Variants in CASR observed in about 807,000 individuals in gnomAD.
CASR encodes extracellular calcium-sensing receptor.
A neutral mutation model predicts 69.1 loss-of-function variants in CASR; 23 were observed. That is an observed-to-expected ratio of 0.33 (90% CI 0.24 to 0.47). CASR has a LOEUF of 0.47. Among genes scored for constraint, CASR ranks in the 20% least tolerant of loss-of-function variants. The pLI is 1.00. For synonymous variants in CASR, 541 were observed against 544.7 expected (o/e 0.99, Z 0.10); for missense variants, 924 against 1,356.1 (o/e 0.68, Z 5.00).
Position 122,262,071 on chromosome 3 carries a change from G to T in CASR, c.1036G>T (p.Gly346Cys). The change falls in exon 4 of 7, where the codon GGT becomes TGT. Residue 346 changes from glycine (G) to cysteine (C), a missense_variant. Transcript: ENST00000639785. The stretch of plus-strand genomic sequence containing the variant: ...CCATCCCAGGAAGTCTGTCCACAAT[G>T]GTTTTGCCAAGGAGTTTTGGGAAGA... ...KVHPRKSVHNGFAKEFWEETF... is the reference protein window; with the variant it reads ...KVHPRKSVHNCFAKEFWEETF... 6.2e-7 allele frequency: 1 copy of T among 1,614,154 alleles called. No homozygotes were observed. Among genetic ancestry groups the T allele is most frequent in the Non-Finnish European group, 8.5e-7 (1 of 1,180,016 alleles).
intron 1 of CASR, among the ~76,000 whole-genome samples, chr3:122,252,409 A>AGGT (rs1553765626): frequency 7.7e-4 from 5 of 6,472 alleles, no homozygotes; most frequent in South Asian, 3.7e-3. Flanking sequence ...GAAGGAAGGA[A>AGGT]AAAGAAAGAA....
chr3:122,210,588 A>C (rs988461640), intron 1 of CASR, among the ~76,000 whole-genome samples: 16 of 152,188 alleles, frequency 1.1e-4, no homozygotes, highest in African/African-American at 3.9e-4. Flanking sequence ...GAAATCAGAG[A>C]GGACAAAAAC....
At chr3:122,279,493 T>C (rs1240228929) in intron 5 of CASR, among the ~76,000 whole-genome samples, 1 of 152,146 alleles carries the variant, frequency 6.6e-6, no homozygotes, top group Admixed American at 6.5e-5. Context: ...CAGCAATGTA[T>C]AAAATAAACA....
intron 1 of CASR, among the ~76,000 whole-genome samples, chr3:122,252,529 G>T (rs553792832): frequency 1.3e-5 from 2 of 150,736 alleles, no homozygotes; most frequent in East Asian, 3.9e-4. Context: ...AAGAAGGCGG[G>T]GAGGGGAGGG....
chr3:122,236,851 G>A (rs759089363), intron 1 of CASR, among the ~76,000 whole-genome samples: 1 of 152,088 alleles, frequency 6.6e-6, no homozygotes, highest in Non-Finnish European at 1.5e-5. Context: ...AAGCAGAAAG[G>A]TTTGAAAGAA....
chr3:122,223,756 A>C (rs1027168768), intron 1 of CASR, among the ~76,000 whole-genome samples: 2 of 152,152 alleles, frequency 1.3e-5, no homozygotes, highest in African/African-American at 4.8e-5. Flanking sequence ...AACTTCAGAC[A>C]ATATTCCTGA....
intron 1 of CASR, among the ~76,000 whole-genome samples, chr3:122,188,708 C>T (rs1446243170): frequency 6.6e-6 from 1 of 152,122 alleles, no homozygotes; most frequent in Non-Finnish European, 1.5e-5. Flanking sequence ...GACAGATGTA[C>T]CCTCACTCCA....
At chr3:122,247,221 A>G (rs1212336715) in intron 1 of CASR, 2 of 152,176 alleles carry the variant, frequency 1.3e-5, no homozygotes. Flanking sequence ...TTATTGCAGG[A>G]CTTCTCAGAG....
At chr3:122,251,715 A>G (rs1161499619) in intron 1 of CASR, among the ~76,000 whole-genome samples, 2 of 152,230 alleles carry the variant, frequency 1.3e-5, no homozygotes, top group African/African-American at 4.8e-5. Context: ...GAGAAGACTA[A>G]CAAGAGTGGA....
At chr3:122,276,263 T>C (rs868754735) in intron 5 of CASR, among the ~76,000 whole-genome samples, 1 of 152,360 alleles carries the variant, frequency 6.6e-6, no homozygotes, top group South Asian at 2.1e-4. Context: ...TCCTACTGTA[T>C]TGAAACAGTT....
chr3:122,274,151 G>A (rs1576868818), intron 4 of CASR, among the ~76,000 whole-genome samples: 1 of 152,078 alleles, frequency 6.6e-6, no homozygotes, highest in East Asian at 1.9e-4. Flanking sequence ...GAACCAGGTA[G>A]CAGGGAGTGA....
Position 122,290,327 on chromosome 3 carries a change from C to T in CASR, c.*5136C>T, listed in dbSNP as rs1409303393. The T allele has an allele frequency of 4.6e-5, 7 of 152,108 alleles. No individual in the cohort carries two copies. In the East Asian group the frequency reaches 5.8e-4, roughly 13 times the overall value. The allele number at this position is 152,108 out of a possible 1,614,324, so 9.4% of individuals were successfully genotyped here. A position where few individuals can be genotyped will look rare whatever the true frequency, so the allele number is the denominator to read the frequency against. ...CCAAGAATAAACCCTGGGGTCATTACAGGATTTCCTGTAAAGGCATCAGGA... is the reference window on the plus strand; with the variant it reads ...CCAAGAATAAACCCTGGGGTCATTATAGGATTTCCTGTAAAGGCATCAGGA... On this transcript the variant is annotated 3_prime_UTR_variant, in exon 7 of 7. Coordinates refer to ENST00000639785, the MANE Select transcript of CASR (RefSeq NM_000388.4).
chr3:122,260,583 G>T (rs1028104909), intron 3 of CASR, among the ~76,000 whole-genome samples: 4 of 152,142 alleles, frequency 2.6e-5, no homozygotes, highest in Admixed American at 6.5e-5. Context: ...TCAAAAGTGG[G>T]TCTGCTAACA....
At chr3:122,279,741 A>G (rs946694901) in intron 5 of CASR, among the ~76,000 whole-genome samples, 1 of 152,186 alleles carries the variant, frequency 6.6e-6, no homozygotes, top group Non-Finnish European at 1.5e-5. Context: ...TAATCTAGGA[A>G]TAGAAGGGAA....
intron 6 of CASR, among the ~76,000 whole-genome samples, chr3:122,282,645 T>C (rs2074906428): frequency 6.6e-6 from 1 of 152,230 alleles, no homozygotes; most frequent in Admixed American, 6.5e-5. Flanking sequence ...AGGTTATTTT[T>C]AGGTGGGAAT....
At chr3:122,221,570 C>T (rs1462011720) in intron 1 of CASR, among the ~76,000 whole-genome samples, 1 of 152,208 alleles carries the variant, frequency 6.6e-6, no homozygotes, top group Non-Finnish European at 1.5e-5. Context: ...ACCTTGAGAA[C>T]TGAACCCCAA....
At chr3:122,262,887 G>A (rs998698276) in intron 4 of CASR, among the ~76,000 whole-genome samples, 1 of 152,190 alleles carries the variant, frequency 6.6e-6, no homozygotes, top group Admixed American at 6.5e-5. Flanking sequence ...CAGCAGGTCA[G>A]CTAAGCACAG....
chr3:122,258,401 T>C (rs1406812333), intron 3 of CASR, among the ~76,000 whole-genome samples: 1 of 149,426 alleles, frequency 6.7e-6, no homozygotes, highest in Non-Finnish European at 1.5e-5. Context: ...TATCTCTTTA[T>C]ATACATGAGA....
chr3:122,225,459 A>G (rs1394248524), intron 1 of CASR, among the ~76,000 whole-genome samples: 2 of 152,122 alleles, frequency 1.3e-5, no homozygotes, highest in African/African-American at 4.8e-5. Context: ...ATGTATGGAA[A>G]AATGTTCATC....
Sources: gnomAD v4.1 joint callset for allele counts (sites outside exome capture counted in the v4.1 genomes callset) on GRCh38, gnomAD v4.1.1 for gene constraint, MANE v1.5 for transcripts, NCBI Gene and HGNC (gene_info 2026-07-23, HGNC 2026-07-21) for gene names.